Variants in EPB41L5 observed in about 807,000 individuals in gnomAD.
The protein encoded by EPB41L5 is erythrocyte membrane protein band 4.1 like 5, also known as band 4.1-like protein 5.
In EPB41L5, 55 loss-of-function variants were observed where a neutral mutation model predicts 106.6. The observed-to-expected ratio is 0.52, with a 90% CI of 0.42 to 0.65. EPB41L5 has a LOEUF of 0.65. Ranked by LOEUF, EPB41L5 falls within the 30% of genes least tolerant of loss-of-function variation. The probability of loss-of-function intolerance (pLI) is 0.00; values close to 1 mark genes in which losing one functional copy is unlikely to be tolerated. For missense variants in EPB41L5, 871 were observed against 882.1 expected, an observed-to-expected ratio of 0.99 and a Z score of 0.16; for synonymous variants, 297 against 306.7, an observed-to-expected ratio of 0.97 and a Z score of 0.33.
intron 3 of EPB41L5, among the ~76,000 whole-genome samples, chr2:120,044,417 T>A (rs948222833): frequency 6.6e-6 from 1 of 152,224 alleles, no homozygotes; most frequent in Non-Finnish European, 1.5e-5. Context: ...AAATCTTGGT[T>A]GCCTATTAAT....
At chr2:120,173,308 G>T (rs539209323) in intron 24 of EPB41L5, among the ~76,000 whole-genome samples, 2 of 152,294 alleles carry the variant, frequency 1.3e-5, no homozygotes, top group African/African-American at 4.8e-5. Flanking sequence ...AGCCTTCACA[G>T]TCCATAGGAG....
chr2:120,041,925 G>C, intron 2 of EPB41L5, 81 bp from the exon 3 acceptor site: 1 of 997,080 alleles, frequency 1.0e-6, no homozygotes, highest in South Asian at 1.6e-5. Flanking sequence ...AAGAGATCTT[G>C]TATAACTAAA....
At chr2:120,031,573 G>A (rs1253207757) in intron 2 of EPB41L5, among the ~76,000 whole-genome samples, 1 of 152,096 alleles carries the variant, frequency 6.6e-6, no homozygotes, top group Non-Finnish European at 1.5e-5. Flanking sequence ...ATAGCTACAA[G>A]GTGAGAAAAA....
intron 14 of EPB41L5, among the ~76,000 whole-genome samples, chr2:120,095,248 G>A (rs915736534): frequency 1.5e-4 from 23 of 152,140 alleles, no homozygotes; most frequent in African/African-American, 5.1e-4. Context: ...CTGATGGACT[G>A]TTCCTTTTTA....
At chr2:120,128,784 T>C (rs2105465279) in intron 17 of EPB41L5, among the ~76,000 whole-genome samples, 1 of 152,158 alleles carries the variant, frequency 6.6e-6, no homozygotes, top group East Asian at 1.9e-4. Flanking sequence ...TAATTTAACT[T>C]ATTATATTGG....
chr2:120,044,379 T>C (rs577722052), intron 3 of EPB41L5, among the ~76,000 whole-genome samples: 1 of 152,340 alleles, frequency 6.6e-6, no homozygotes, highest in African/African-American at 2.4e-5. Context: ...TTGTTGAATT[T>C]AATTCTAGAC....
At chr2:120,159,495 T>C (rs550978736) in intron 20 of EPB41L5, among the ~76,000 whole-genome samples, 5 of 150,700 alleles carry the variant, frequency 3.3e-5, no homozygotes, top group Admixed American at 3.3e-4. Context: ...AATTTATAGA[T>C]TCAATGCTAT....
rs1180377916 is a variant in EPB41L5, at chr2:120,167,792, C to CAT, written c.2005-84_2005-83dup. The CAT allele has an allele frequency of 2.0e-5, 30 of 1,497,454 alleles. No individual in the cohort carries two copies. In the African/African-American group the frequency reaches 3.9e-4, roughly 19 times the overall value. 92.8% of individuals were successfully genotyped at this position (1,497,454 alleles called of 1,614,324 possible). On this transcript the variant is annotated intron_variant, in intron 23 of 24. Coordinates refer to ENST00000263713, the MANE Select transcript of EPB41L5 (RefSeq NM_020909.4). ...AAACCATCTTCGTTAATCTCATAGT[C>CAT]ATTAGTGAAGCTTGATTTGGAGCTG...
chr2:120,087,104 AC>A, intron 10 of EPB41L5, 66 bp from the exon 11 acceptor site: 1 of 1,011,052 alleles, frequency 9.9e-7, no homozygotes, highest in Non-Finnish European at 1.5e-6. Flanking sequence ...TGAAATAAAA[AC>A]AATTTTTTTC....
chr2:120,082,866 A>T (rs991379041), intron 10 of EPB41L5, among the ~76,000 whole-genome samples: 6 of 152,026 alleles, frequency 3.9e-5, no homozygotes, highest in African/African-American at 1.4e-4. Flanking sequence ...TTATCCGTCT[A>T]TTCTAGATTT....
At chr2:120,015,752 C>T (rs1677471363) in intron 1 of EPB41L5, among the ~76,000 whole-genome samples, 2 of 151,680 alleles carry the variant, frequency 1.3e-5, no homozygotes, top group Non-Finnish European at 2.9e-5. Flanking sequence ...TGAGACAAAC[C>T]TGGCTAAGTA....
At chr2:120,098,514 A>G (rs533954058) in intron 14 of EPB41L5, among the ~76,000 whole-genome samples, 114 of 152,160 alleles carry the variant, frequency 7.5e-4, no homozygotes, top group African/African-American at 2.7e-3. Context: ...TGCCTCACCA[A>G]TAGTATTTCT....
intron 1 of EPB41L5, among the ~76,000 whole-genome samples, chr2:120,017,420 G>T (rs1272921436): frequency 6.6e-6 from 1 of 152,090 alleles, no homozygotes; most frequent in African/African-American, 2.4e-5. Flanking sequence ...TTCCTTTTCT[G>T]CACAGCTTCT....
At chr2:120,153,740 T>G (rs1375876671) in intron 20 of EPB41L5, among the ~76,000 whole-genome samples, 1 of 152,234 alleles carries the variant, frequency 6.6e-6, no homozygotes, top group African/African-American at 2.4e-5. Context: ...TATCAATGTA[T>G]AATGTGTCTC....
intron 20 of EPB41L5, among the ~76,000 whole-genome samples, chr2:120,157,085 A>C (rs752676080): frequency 1.1e-4 from 16 of 152,162 alleles, no homozygotes; most frequent in Non-Finnish European, 1.8e-4. Context: ...CAGAACAGCC[A>C]CTCTCTCAGA....
intron 2 of EPB41L5, among the ~76,000 whole-genome samples, chr2:120,041,119 CT>C (rs903152458): frequency 1.3e-5 from 2 of 152,170 alleles, no homozygotes; most frequent in East Asian, 1.9e-4. Flanking sequence ...CAACATACCC[CT>C]TTTATGTTAA....
intron 16 of EPB41L5, among the ~76,000 whole-genome samples, chr2:120,116,142 G>A (rs1684937792): frequency 6.6e-6 from 1 of 152,068 alleles, no homozygotes; most frequent in Non-Finnish European, 1.5e-5. Flanking sequence ...AAACAATCTA[G>A]TTTGGATTAT....
At chr2:120,111,911 C>CTTAT (rs757408043) in intron 16 of EPB41L5, among the ~76,000 whole-genome samples, 46 of 152,274 alleles carry the variant, frequency 3.0e-4, no homozygotes, top group Non-Finnish European at 6.0e-4. Flanking sequence ...GACTCATCTT[C>CTTAT]TTATACTTGC....
chr2:120,014,569 G>A (rs1677382548), intron 1 of EPB41L5, among the ~76,000 whole-genome samples: 1 of 152,108 alleles, frequency 6.6e-6, no homozygotes, highest in African/African-American at 2.4e-5. Context: ...AAGAGATGTC[G>A]AATTTAGACT....
Sources: allele counts gnomAD v4.1 joint callset (sites outside exome capture counted in the v4.1 genomes callset), GRCh38; gene constraint gnomAD v4.1.1; transcripts MANE v1.5; gene names NCBI Gene and HGNC (gene_info 2026-07-23, HGNC 2026-07-21).